TAFA2: variants seen among roughly 807,000 people sequenced by gnomAD.
TAFA2 encodes chemokine-like protein TAFA-2.
In TAFA2, 7 loss-of-function variants were observed where a neutral mutation model predicts 18.8. That is an observed-to-expected ratio of 0.37 (90% CI 0.21 to 0.70). The LOEUF is 0.70. Ranked by LOEUF, TAFA2 falls within the 30% of genes least tolerant of loss-of-function variation. The pLI is 0.53. For synonymous variants in TAFA2, 60 were observed against 54.2 expected (o/e 1.11, Z -0.47); for missense variants, 122 against 158.1 (o/e 0.77, Z 1.23).
intron 1 of TAFA2, among the ~76,000 whole-genome samples, chr12:62,010,779 G>A (rs1020023943): frequency 3.2e-4 from 48 of 150,310 alleles, no homozygotes; most frequent in Admixed American, 1.4e-3. Context: ...GGGAGGTGAG[G>A]GGCGCCTCTG....
intron 2 of TAFA2, among the ~76,000 whole-genome samples, chr12:61,812,716 C>A (rs908358458): frequency 6.6e-6 from 1 of 150,630 alleles, no homozygotes; most frequent in Non-Finnish European, 1.5e-5. Flanking sequence ...ATTACAGGCG[C>A]CCCCTGCCAC....
intron 1 of TAFA2, among the ~76,000 whole-genome samples, chr12:62,125,673 A>AT (rs140678464): frequency 1.6e-4 from 24 of 151,708 alleles, no homozygotes; most frequent in Admixed American, 1.1e-3. Context: ...TCCCGCAGAT[A>AT]TTTTTTTTCT....
intron 1 of TAFA2, among the ~76,000 whole-genome samples, chr12:62,075,478 C>A (rs1040183487): frequency 2.0e-5 from 3 of 152,128 alleles, no homozygotes; most frequent in African/African-American, 7.2e-5. Flanking sequence ...GAATGGAAAT[C>A]ACTGGACCCA....
intron 1 of TAFA2, among the ~76,000 whole-genome samples, chr12:62,167,222 T>G (rs1043724839): frequency 6.6e-4 from 101 of 152,232 alleles, no homozygotes; most frequent in African/African-American, 2.3e-3. Context: ...GAAAGGAAGA[T>G]GAAGGGGACA....
At chr12:62,111,961 T>C (rs965614032) in intron 1 of TAFA2, among the ~76,000 whole-genome samples, 4 of 152,210 alleles carry the variant, frequency 2.6e-5, no homozygotes, top group Admixed American at 2.6e-4. Context: ...TATGTGTCTT[T>C]TAATTAGGGC....
chr12:62,124,829 T>C (rs1374899131), intron 1 of TAFA2, among the ~76,000 whole-genome samples: 1 of 152,146 alleles, frequency 6.6e-6, no homozygotes, highest in Non-Finnish European at 1.5e-5. Flanking sequence ...GCAGAACCTC[T>C]AGTTACTGGT....
intron 4 of TAFA2, among the ~76,000 whole-genome samples, chr12:61,713,837 T>C (rs1410006541): frequency 6.6e-6 from 1 of 152,214 alleles, no homozygotes; most frequent in African/African-American, 2.4e-5. Context: ...TTTTACCTTT[T>C]GTAGACCCTA....
intron 2 of TAFA2, among the ~76,000 whole-genome samples, chr12:61,833,703 T>C (rs1872804263): frequency 1.3e-5 from 2 of 152,050 alleles, no homozygotes; most frequent in South Asian, 2.1e-4. Flanking sequence ...TCTGTGACTA[T>C]AATCCTCAGT....
At chr12:61,965,430 T>C (rs77995398) in intron 1 of TAFA2, among the ~76,000 whole-genome samples, 2,312 of 152,004 alleles carry the variant, frequency 0.015, 77 homozygotes, top group African/African-American at 0.053. Context: ...AGCAACCTGA[T>C]AGGCTAAGAG....
chr12:61,990,897 G>A (rs767902735), intron 1 of TAFA2, among the ~76,000 whole-genome samples: 7 of 152,162 alleles, frequency 4.6e-5, no homozygotes. Context: ...AGTATTATAA[G>A]ATATGTGAGC....
intron 2 of TAFA2, among the ~76,000 whole-genome samples, chr12:61,799,195 T>C (rs990241853): frequency 6.6e-6 from 1 of 152,228 alleles, no homozygotes; most frequent in Non-Finnish European, 1.5e-5. Flanking sequence ...CAGAGTCTGT[T>C]TATATTACTC....
chr12:61,711,152 G>C (rs183101062), intron 4 of TAFA2, among the ~76,000 whole-genome samples: 1 of 151,758 alleles, frequency 6.6e-6, no homozygotes, highest in Admixed American at 6.6e-5. Flanking sequence ...TTGTGTACAG[G>C]AAAAAAGAAT....
chr12:61,972,158 T>C (rs1404002784), intron 1 of TAFA2, among the ~76,000 whole-genome samples: 3 of 151,658 alleles, frequency 2.0e-5, no homozygotes, highest in African/African-American at 7.3e-5. Context: ...AAGCCTGTCA[T>C]GGAGGTTTGT....
Position 61,878,237 on chromosome 12 carries a change from T to C in TAFA2, c.-1-10811A>G, listed in dbSNP as rs867337947. Reference sequence around the variant, plus strand: ...GAGTTCTGGAATAGATAAGTGGTAATGTACAACATTGTGAATGTACTTAAT... The same window carrying C: ...GAGTTCTGGAATAGATAAGTGGTAACGTACAACATTGTGAATGTACTTAAT... On this transcript the variant is annotated intron_variant, in intron 1 of 4. Coordinates refer to ENST00000416284, the MANE Select transcript of TAFA2 (RefSeq NM_178539.5). The C allele has an allele frequency of 3.2e-4, 114 of 355,370 alleles. 6 individuals carry two copies. The Middle Eastern group carries it at 0.035, about 108-fold the overall frequency. 22.0% of individuals were successfully genotyped at this position (355,370 alleles called of 1,614,324 possible). A position where few individuals can be genotyped will look rare whatever the true frequency, so the allele number is the denominator to read the frequency against.
intron 2 of TAFA2, among the ~76,000 whole-genome samples, chr12:61,801,529 T>C (rs1212544670): frequency 6.6e-6 from 1 of 152,042 alleles, no homozygotes; most frequent in Non-Finnish European, 1.5e-5. Context: ...CTTCAATAAA[T>C]GGATCTGGGA....
At chr12:61,878,261 ATGC>A in intron 1 of TAFA2, 1 of 302,492 alleles carries the variant, frequency 3.3e-6, no homozygotes, top group Non-Finnish European at 6.6e-6. Flanking sequence ...AATGTACTTA[ATGC>A]TGCTGAATTG....
chr12:62,104,822 A>G (rs1592337774), intron 1 of TAFA2: 2 of 369,410 alleles, frequency 5.4e-6, no homozygotes, highest in Non-Finnish European at 1.1e-5. Flanking sequence ...CTTTATGACA[A>G]GGTGATTTTG....
At chr12:62,190,043 A>G (rs577569695) in intron 1 of TAFA2, among the ~76,000 whole-genome samples, 37 of 151,656 alleles carry the variant, frequency 2.4e-4, no homozygotes, top group African/African-American at 8.7e-4. Flanking sequence ...GGGATTTCAT[A>G]CTCACAAAAA....
At chr12:61,766,623 T>G (rs1323194960) in intron 2 of TAFA2, among the ~76,000 whole-genome samples, 1 of 152,150 alleles carries the variant, frequency 6.6e-6, no homozygotes, top group East Asian at 1.9e-4. Context: ...TACTAAATTT[T>G]GTGGACCAAA....
Sources: allele counts gnomAD v4.1 joint callset (sites outside exome capture counted in the v4.1 genomes callset), GRCh38; gene constraint gnomAD v4.1.1; transcripts MANE v1.5; gene names NCBI Gene and HGNC (gene_info 2026-07-23, HGNC 2026-07-21).